Variants in ZNF385D observed in about 807,000 individuals in gnomAD.
ZNF385D encodes the protein zinc finger protein 385D, also known as zinc finger protein 659.
In ZNF385D, 15 loss-of-function variants were observed where a neutral mutation model predicts 35.8. That is an observed-to-expected ratio of 0.42 (90% CI 0.28 to 0.64). The LOEUF (loss-of-function observed/expected upper bound fraction) is 0.64. Ranked by LOEUF, ZNF385D falls within the 30% of genes least tolerant of loss-of-function variation. ZNF385D has a pLI of 0.23. For synonymous variants in ZNF385D, 212 were observed against 186.8 expected, an observed-to-expected ratio of 1.13 and a Z score of -1.10; for missense variants, 474 against 494.6, an observed-to-expected ratio of 0.96 and a Z score of 0.39.
chr3:21,684,776 T>C (rs888343799), intron 1 of ZNF385D, among the ~76,000 whole-genome samples: 2 of 152,192 alleles, frequency 1.3e-5, no homozygotes, highest in African/African-American at 4.8e-5. Flanking sequence ...TCCATTTTTA[T>C]TCTGAACATA....
chr3:22,118,439 G>C (rs1449957017), intron 3 of ZNF385D, among the ~76,000 whole-genome samples: 2 of 152,028 alleles, frequency 1.3e-5, no homozygotes, highest in African/African-American at 2.4e-5. Context: ...GTGAGGTGAG[G>C]GAGGGAGTGA....
At chr3:21,991,916 G>T (rs1468319688) in intron 3 of ZNF385D, among the ~76,000 whole-genome samples, 1 of 152,164 alleles carries the variant, frequency 6.6e-6, no homozygotes, top group African/African-American at 2.4e-5. Context: ...TTAAAAGACA[G>T]TATTTTGATG....
intron 2 of ZNF385D, among the ~76,000 whole-genome samples, chr3:22,280,643 C>A (rs1186485145): frequency 6.6e-6 from 1 of 152,026 alleles, no homozygotes; most frequent in Non-Finnish European, 1.5e-5. Flanking sequence ...ATTTTTATAC[C>A]AGTACCATGC....
Position 21,415,281 on chromosome 3 carries a change from G to A in ZNF385D, c.*5933C>T, listed in dbSNP as rs547074051. ...GTCCTGCACACTACCTGGATTTGAG[G>A]AAGATTTTATAAGCATTCAAAGTCA... On this transcript the variant is annotated 3_prime_UTR_variant, in exon 8 of 8. Coordinates refer to ENST00000281523, the MANE Select transcript of ZNF385D (RefSeq NM_024697.3). The A allele has an allele frequency of 1.3e-5, 2 of 152,190 alleles. No homozygotes were observed. Among genetic ancestry groups the A allele is most frequent in the African/African-American group, 4.8e-5 (2 of 41,526 alleles). 9.4% of individuals were successfully genotyped at this position (152,190 alleles called of 1,614,324 possible).
chr3:21,611,682 C>T (rs2064684318), intron 2 of ZNF385D, among the ~76,000 whole-genome samples: 1 of 152,060 alleles, frequency 6.6e-6, no homozygotes, highest in African/African-American at 2.4e-5. Context: ...AAACTGCTCT[C>T]ATTTGCTGCA....
rs1695486985 is a variant in ZNF385D at position 22,184,396 on chromosome 3, C to T, written c.107-15361G>A. ...GATAAATCATTTCAACATGTTTTAT[C>T]ATTTAATTTTCCTCTCATTGTGGCA... On this transcript the variant is annotated intron_variant, in intron 2 of 5. Coordinates refer to the ZNF385D transcript ENST00000494108. Among the ~76,000 whole-genome samples, 3 of 151,954 alleles carry T rather than the reference C, an allele frequency of 2.0e-5. No individual in the cohort carries two copies. The South Asian group carries it at 6.2e-4, about 31-fold the overall frequency.
At chr3:22,138,912 T>A (rs1226686279) in intron 3 of ZNF385D, among the ~76,000 whole-genome samples, 5 of 152,126 alleles carry the variant, frequency 3.3e-5, no homozygotes, top group Non-Finnish European at 7.4e-5. Flanking sequence ...TTTTGCAACC[T>A]ACTCATCTGA....
At chr3:22,161,663 G>T (rs1705959581) in intron 3 of ZNF385D, among the ~76,000 whole-genome samples, 1 of 152,078 alleles carries the variant, frequency 6.6e-6, no homozygotes, top group Non-Finnish European at 1.5e-5. Flanking sequence ...TTTCTGGCAT[G>T]ATAGAGAATA....
At chr3:21,699,382 A>G (rs2067591040) in intron 1 of ZNF385D, among the ~76,000 whole-genome samples, 1 of 152,150 alleles carries the variant, frequency 6.6e-6, no homozygotes, top group Admixed American at 6.5e-5. Context: ...AGAAATACCT[A>G]ATGTAGATGA....
chr3:21,769,674 T>A lies in ZNF385D; in HGVS notation c.326-104646A>T, dbSNP rs75200346. 3.7e-4 allele frequency among the ~76,000 whole-genome samples: 45 copies of A among 120,492 alleles called. 1 individual carries two copies. Among genetic ancestry groups the A allele is most frequent in the African/African-American group, 1.5e-3 (45 of 29,752 alleles). The allele number at this position is 120,492 out of a possible 152,430, so 79.0% of individuals were successfully genotyped here. The stretch of plus-strand genomic sequence containing the variant: ...TGGCCATACTGCCCAAGGTAATTTA[T>A]AGATTCAATGCCATCCCCATCAAGC... On this transcript the variant is annotated intron_variant, in intron 3 of 5. Coordinates refer to the ZNF385D transcript ENST00000494108.
chr3:21,422,854 G>T (rs754675616), intron 7 of ZNF385D, among the ~76,000 whole-genome samples: 3 of 152,018 alleles, frequency 2.0e-5, no homozygotes. Context: ...AATAAGAGCC[G>T]TGTATGACAA....
At chr3:22,045,377 G>T (rs1460924708) in intron 3 of ZNF385D, among the ~76,000 whole-genome samples, 1 of 152,084 alleles carries the variant, frequency 6.6e-6, no homozygotes, top group Non-Finnish European at 1.5e-5. Context: ...AAGGAGAGGG[G>T]CTCTTGAGAA....
intron 1 of ZNF385D, among the ~76,000 whole-genome samples, chr3:21,710,979 G>A (rs2068077650): frequency 6.8e-6 from 1 of 147,026 alleles, no homozygotes. Flanking sequence ...ATAGCGATGT[G>A]ACTTTTGTCT....
chr3:21,821,146 G>C (rs1345015661), intron 3 of ZNF385D, among the ~76,000 whole-genome samples: 1 of 151,720 alleles, frequency 6.6e-6, no homozygotes, highest in Non-Finnish European at 1.5e-5. Context: ...AATCTTACAG[G>C]TAAATGTTTC....
intron 2 of ZNF385D, among the ~76,000 whole-genome samples, chr3:22,350,179 C>A (rs1303048238): frequency 6.6e-6 from 1 of 152,066 alleles, no homozygotes; most frequent in Non-Finnish European, 1.5e-5. Flanking sequence ...AAGAAGTTTA[C>A]CCCAGGAAAA....
intron 3 of ZNF385D, among the ~76,000 whole-genome samples, chr3:22,115,653 C>T (rs1702768422): frequency 6.6e-6 from 1 of 151,944 alleles, no homozygotes; most frequent in South Asian, 2.1e-4. Context: ...CATAAGATTC[C>T]AGTAAACCAT....
chr3:21,722,397 G>T (rs909765405), intron 1 of ZNF385D, among the ~76,000 whole-genome samples: 7 of 152,288 alleles, frequency 4.6e-5, no homozygotes, highest in Non-Finnish European at 7.3e-5. Context: ...AACCACCAAA[G>T]CTTGTAACTA....
intron 3 of ZNF385D, among the ~76,000 whole-genome samples, chr3:21,986,146 G>GT (rs948109007): frequency 1.3e-5 from 1 of 75,628 alleles, no homozygotes; most frequent in Non-Finnish European, 2.3e-5. Context: ...TTTTTGAAGG[G>GT]TTTTTTGTGT....
At chr3:21,614,733 C>T (rs1197884186) in intron 2 of ZNF385D, among the ~76,000 whole-genome samples, 4 of 152,168 alleles carry the variant, frequency 2.6e-5, no homozygotes, top group African/African-American at 4.8e-5. Context: ...GGACTGCAGG[C>T]GAATGCCACC....
Sources: gnomAD v4.1 joint callset for allele counts (sites outside exome capture counted in the v4.1 genomes callset) on GRCh38, gnomAD v4.1.1 for gene constraint, MANE v1.5 for transcripts, NCBI Gene and HGNC (gene_info 2026-07-23, HGNC 2026-07-21) for gene names.